Variants in SH3BGRL2 observed in about 807,000 individuals in gnomAD.
SH3BGRL2 encodes the protein SH3 domain-binding glutamic acid-rich-like protein 2.
Under a neutral mutation model 14.8 loss-of-function variants are expected in SH3BGRL2, and 21 were observed. The observed-to-expected ratio is 1.42, with a 90% CI of 1.01 to 2.05. The LOEUF (loss-of-function observed/expected upper bound fraction) is 2.05. Ranked by LOEUF, SH3BGRL2 falls within the 30% of genes most tolerant of loss-of-function variation. The pLI is 0.00. For missense variants in SH3BGRL2, 147 were observed against 130.8 expected (o/e 1.12, Z -0.61); for synonymous variants, 50 against 47.8 (o/e 1.05, Z -0.19).
chr6:79,639,638 T>G (rs1768993583), intron 1 of SH3BGRL2, among the ~76,000 whole-genome samples: 1 of 152,154 alleles, frequency 6.6e-6, no homozygotes, highest in African/African-American at 2.4e-5. Flanking sequence ...AAATACTTTA[T>G]TTTGAAATGC....
the SH3BGRL2 span, among the ~76,000 whole-genome samples, chr6:79,537,832 T>A: frequency 1.3e-5 from 2 of 152,154 alleles, no homozygotes; most frequent in Admixed American, 1.3e-4. Flanking sequence ...ACAAACAAAC[T>A]GCTAGTGCTT....
intron 1 of SH3BGRL2, among the ~76,000 whole-genome samples, chr6:79,649,997 A>C (rs1263924540): frequency 6.6e-6 from 1 of 151,580 alleles, no homozygotes; most frequent in Admixed American, 6.6e-5. Flanking sequence ...ACACACACAC[A>C]CACACACACA....
chr6:79,645,476 G>A (rs1053930922), intron 1 of SH3BGRL2, among the ~76,000 whole-genome samples: 1 of 152,234 alleles, frequency 6.6e-6, no homozygotes, highest in Admixed American at 6.5e-5. Flanking sequence ...GAGTAGTGAT[G>A]CCCCCTTGCC....
intron 2 of SH3BGRL2, among the ~76,000 whole-genome samples, chr6:79,676,589 C>A (rs1406181668): frequency 6.9e-6 from 1 of 144,412 alleles, no homozygotes; most frequent in African/African-American, 2.6e-5. Context: ...AATCTCCTAG[C>A]TTTATGTCTT....
chr6:79,702,347 A>G lies in SH3BGRL2; in HGVS notation c.*2838A>G. On this transcript the variant is annotated 3_prime_UTR_variant, in exon 4 of 4. Coordinates refer to ENST00000369838, the MANE Select transcript of SH3BGRL2 (RefSeq NM_031469.4). ...ACTATAGGGGTTTTGCTTTTTCTAG[A>G]GATACTTTTCATTTAACAGCTTTTG... 1 of 152,550 alleles carries G rather than the reference A, an allele frequency of 6.6e-6. No individual in the cohort carries two copies. The highest frequency in any genetic ancestry group is 1.9e-4 in the East Asian group (1 of 5,198). The allele number at this position is 152,550 out of a possible 1,614,324, so 9.4% of individuals were successfully genotyped here.
chr6:79,675,627 T>C (rs1341575218), intron 2 of SH3BGRL2, among the ~76,000 whole-genome samples: 1 of 152,160 alleles, frequency 6.6e-6, no homozygotes, highest in Admixed American at 6.5e-5. Context: ...TCTAATACTT[T>C]AATCTTTTTT....
At chr6:79,540,278 C>CA in the SH3BGRL2 span, among the ~76,000 whole-genome samples, 2 of 151,660 alleles carry the variant, frequency 1.3e-5, no homozygotes, top group African/African-American at 2.4e-5. Flanking sequence ...AATAAAAATA[C>CA]AAAAAAATGA....
chr6:79,660,490 G>A (rs1291992783), intron 1 of SH3BGRL2, among the ~76,000 whole-genome samples: 1 of 150,566 alleles, frequency 6.6e-6, no homozygotes. Flanking sequence ...GGATGAAGGC[G>A]ACCTGATCGT....
chr6:79,567,787 A>T, the SH3BGRL2 span, among the ~76,000 whole-genome samples: 2 of 152,224 alleles, frequency 1.3e-5, no homozygotes, highest in African/African-American at 4.8e-5. Flanking sequence ...AAGACACCAT[A>T]AAAATGTGAA....
chr6:79,681,495 C>T (rs760220865), intron 2 of SH3BGRL2, among the ~76,000 whole-genome samples: 8 of 152,070 alleles, frequency 5.3e-5, no homozygotes, highest in Non-Finnish European at 1.2e-4. Context: ...AGGCTAGAGA[C>T]TGATTAGACT....
At chr6:79,642,709 G>A (rs916327318) in intron 1 of SH3BGRL2, among the ~76,000 whole-genome samples, 2 of 152,156 alleles carry the variant, frequency 1.3e-5, no homozygotes, top group Non-Finnish European at 2.9e-5. Flanking sequence ...GAGTCTGTGA[G>A]TAACCGGGAA....
At chr6:79,565,506 G>A in the SH3BGRL2 span, among the ~76,000 whole-genome samples, 1 of 144,432 alleles carries the variant, frequency 6.9e-6, no homozygotes, top group Admixed American at 7.2e-5. Context: ...AAAGAGAATT[G>A]GAGCACAACT....
chr6:79,589,206 ATTT>A, the SH3BGRL2 span, among the ~76,000 whole-genome samples: 497 of 141,406 alleles, frequency 3.5e-3, 5 homozygotes, highest in Non-Finnish European at 4.6e-3. Context: ...ATATATATAT[ATTT>A]TTTTTTTTTG....
rs540628699 is a variant in SH3BGRL2 at position 79,642,488 on chromosome 6, G to A, written c.45+10982G>A. 2.0e-5 allele frequency among the ~76,000 whole-genome samples: 3 copies of A among 152,200 alleles called. No individual in the cohort carries two copies. In the South Asian group the frequency reaches 6.2e-4, roughly 32 times the overall value. ...AGATTTCATCCCAAATGACAACTCT[G>A]ACTGTTGGATAGTAGCTGCCTGGAG... is the stretch of plus-strand genomic sequence containing the variant. On this transcript the variant is annotated intron_variant, in intron 1 of 3. Transcript: ENST00000369838.
At chr6:79,647,888 G>C (rs1248732558) in intron 1 of SH3BGRL2, among the ~76,000 whole-genome samples, 3 of 151,892 alleles carry the variant, frequency 2.0e-5, no homozygotes, top group African/African-American at 7.3e-5. Context: ...TATCCACGCT[G>C]CCCTTTGTTT....
At chr6:79,661,944 G>A (rs1769558246) in intron 1 of SH3BGRL2, among the ~76,000 whole-genome samples, 1 of 152,086 alleles carries the variant, frequency 6.6e-6, no homozygotes, top group Non-Finnish European at 1.5e-5. Context: ...TCAGAGACTA[G>A]GATTGCAGCC....
chr6:79,697,036 TAA>T (rs1164475824), intron 3 of SH3BGRL2, among the ~76,000 whole-genome samples: 1 of 152,184 alleles, frequency 6.6e-6, no homozygotes, highest in Non-Finnish European at 1.5e-5. Flanking sequence ...CACTTTTTAT[TAA>T]GTCATATGTC....
At chr6:79,602,774 T>G in the SH3BGRL2 span, among the ~76,000 whole-genome samples, 1 of 152,154 alleles carries the variant, frequency 6.6e-6, no homozygotes, top group African/African-American at 2.4e-5. Flanking sequence ...ATACTCCTAT[T>G]TAAGTAAAAG....
chr6:79,628,652 C>T (rs183548297), upstream of SH3BGRL2, among the ~76,000 whole-genome samples: 14 of 152,292 alleles, frequency 9.2e-5, no homozygotes, highest in East Asian at 2.5e-3. Flanking sequence ...TTTACCAACT[C>T]TGGGTCTCAA....
Sources: allele counts gnomAD v4.1 joint callset (sites outside exome capture counted in the v4.1 genomes callset), GRCh38; gene constraint gnomAD v4.1.1; transcripts MANE v1.5; gene names NCBI Gene and HGNC (gene_info 2026-07-23, HGNC 2026-07-21).